CDKL4: variants seen among roughly 807,000 people sequenced by gnomAD.
CDKL4 encodes cyclin-dependent kinase-like 4.
A neutral mutation model predicts 42.0 loss-of-function variants in CDKL4; 44 were observed. That is an observed-to-expected ratio of 1.05 (90% confidence interval 0.82 to 1.35). The LOEUF (loss-of-function observed/expected upper bound fraction) is 1.35, where lower values mean the gene tolerates loss of function less well. Among genes scored for constraint, CDKL4 ranks in the 40% most tolerant of loss-of-function variants. The probability of loss-of-function intolerance (pLI) is 0.00; values close to 1 mark genes in which losing one functional copy is unlikely to be tolerated. For synonymous variants in CDKL4, 120 were observed against 121.6 expected (o/e 0.99, Z 0.09); for missense variants, 393 against 369.9 (o/e 1.06, Z -0.51).
intron 5 of CDKL4, among the ~76,000 whole-genome samples, chr2:39,192,381 G>A (rs886109636): frequency 6.6e-6 from 1 of 151,824 alleles, no homozygotes; most frequent in Admixed American, 6.6e-5. Flanking sequence ...CACTTTTTTG[G>A]AGGCAGGGTC....
intron 3 of CDKL4, among the ~76,000 whole-genome samples, chr2:39,218,502 A>C (rs1410844882): frequency 2.0e-5 from 3 of 152,148 alleles, no homozygotes; most frequent in Non-Finnish European, 4.4e-5. Context: ...CTCTCAAAAA[A>C]CAAAAAAAAC....
intron 5 of CDKL4, among the ~76,000 whole-genome samples, chr2:39,195,628 A>C (rs562800630): frequency 6.6e-6 from 1 of 150,508 alleles, no homozygotes; most frequent in South Asian, 2.1e-4. Flanking sequence ...TTTATTTTTT[A>C]CATTTTTAAT....
At chr2:39,235,909 C>G (rs1679344868) in intron 1 of CDKL4, among the ~76,000 whole-genome samples, 1 of 150,814 alleles carries the variant, frequency 6.6e-6, no homozygotes, top group South Asian at 2.1e-4. Flanking sequence ...ATGAGACATG[C>G]TAAAAAAAAG....
rs181110966 is a variant in CDKL4, at chr2:39,212,912, T to C, written c.363+488A>G. 6.7e-3 allele frequency among the ~76,000 whole-genome samples: 1,020 copies of C among 152,168 alleles called. 11 individuals are homozygous for C. Among genetic ancestry groups the C allele is most frequent in the African/African-American group, 0.023 (973 of 41,520 alleles). ...CTGAGCTCAAAGCCATCTGCCCGCA[T>C]TGGCTTCCCAAAGTGCTGGGATTAC... On this transcript the variant is annotated intron_variant, in intron 4 of 9. Transcript: ENST00000451199.
At chr2:39,184,556 A>G in intron 8 of CDKL4, 35 bp downstream of exon 8, 2 of 1,492,412 alleles carry the variant, frequency 1.3e-6, no homozygotes, top group Non-Finnish European at 1.9e-6. Context: ...ATTACAATTT[A>G]TAGCTAATAA....
intron 5 of CDKL4, among the ~76,000 whole-genome samples, chr2:39,203,181 G>A (rs1676959300): frequency 6.6e-6 from 1 of 151,996 alleles, no homozygotes; most frequent in Non-Finnish European, 1.5e-5. Context: ...TGCATATTCA[G>A]CTCAGAAATG....
chr2:39,191,652 A>G (rs1003543689), intron 5 of CDKL4, among the ~76,000 whole-genome samples: 4 of 152,210 alleles, frequency 2.6e-5, no homozygotes, highest in African/African-American at 9.7e-5. Context: ...AAAGACCTCA[A>G]TTTGACTCCT....
At chr2:39,221,242 C>G (rs1327341350) in intron 3 of CDKL4, among the ~76,000 whole-genome samples, 1 of 150,550 alleles carries the variant, frequency 6.6e-6, no homozygotes, top group Non-Finnish European at 1.5e-5. Context: ...CTCTTGATCT[C>G]GTGACCTTGT....
chr2:39,197,880 A>G (rs939365642), intron 5 of CDKL4, among the ~76,000 whole-genome samples: 2 of 150,016 alleles, frequency 1.3e-5, no homozygotes, highest in Non-Finnish European at 2.9e-5. Flanking sequence ...ACCAAAATAG[A>G]ATCTCCTTAA....
intron 9 of CDKL4, chr2:39,178,662 G>C (rs948074045): frequency 6.2e-7 from 1 of 1,603,156 alleles, no homozygotes; most frequent in African/African-American, 1.3e-5. Flanking sequence ...TGGCCCATTG[G>C]GTAGAATTTG....
At chr2:39,231,788 A>T (rs894661636) in intron 1 of CDKL4, among the ~76,000 whole-genome samples, 1 of 152,248 alleles carries the variant, frequency 6.6e-6, no homozygotes, top group African/African-American at 2.4e-5. Context: ...GCATTGGCTC[A>T]TGCCTGTAAT....
At chr2:39,220,634 C>T (rs1223295612) in intron 3 of CDKL4, among the ~76,000 whole-genome samples, 3 of 151,806 alleles carry the variant, frequency 2.0e-5, no homozygotes, top group African/African-American at 7.3e-5. Context: ...GTCGCCCAGG[C>T]TGGAGTGAAG....
chr2:39,236,656 A>G (rs1215983362), intron 1 of CDKL4, among the ~76,000 whole-genome samples: 1 of 152,186 alleles, frequency 6.6e-6, no homozygotes, highest in Non-Finnish European at 1.5e-5. Context: ...TGAAAAGATC[A>G]ACAAAAGTGA....
At chr2:39,191,882 C>G (rs1377669237) in intron 5 of CDKL4, among the ~76,000 whole-genome samples, 1 of 152,180 alleles carries the variant, frequency 6.6e-6, no homozygotes, top group Non-Finnish European at 1.5e-5. Flanking sequence ...TGGAAAGCAG[C>G]CCGACTTGCA....
At chr2:39,208,973 G>A (rs962781105) in intron 4 of CDKL4, among the ~76,000 whole-genome samples, 1 of 151,788 alleles carries the variant, frequency 6.6e-6, no homozygotes, top group Non-Finnish European at 1.5e-5. Context: ...AGATGCTGAC[G>A]GAGGTTGCAG....
chr2:39,244,104 A>T (rs965551182), upstream of CDKL4, among the ~76,000 whole-genome samples: 15 of 152,228 alleles, frequency 9.9e-5, no homozygotes, highest in African/African-American at 3.6e-4. Context: ...GAGAGGTGAC[A>T]GCGTGCTGGC....
At chr2:39,209,875 G>A (rs887777754) in intron 4 of CDKL4, among the ~76,000 whole-genome samples, 4 of 152,180 alleles carry the variant, frequency 2.6e-5, no homozygotes, top group Non-Finnish European at 4.4e-5. Context: ...ATATGGCTTA[G>A]ATTTTTTTCT....
chr2:39,173,297 T>C (rs1304044050), downstream of CDKL4, among the ~76,000 whole-genome samples: 3 of 152,222 alleles, frequency 2.0e-5, no homozygotes, highest in Non-Finnish European at 4.4e-5. Flanking sequence ...AAAAACATTA[T>C]GAAAGCTAAA....
intron 8 of CDKL4, 75 bp downstream of exon 8, chr2:39,184,516 C>A: frequency 2.0e-6 from 2 of 1,005,746 alleles, no homozygotes; most frequent in South Asian, 1.4e-5. Flanking sequence ...AATCCACTGT[C>A]CACCCCTCCT....
Sources: gnomAD v4.1 joint callset for allele counts (sites outside exome capture counted in the v4.1 genomes callset) on GRCh38, gnomAD v4.1.1 for gene constraint, MANE v1.5 for transcripts, NCBI Gene and HGNC (gene_info 2026-07-23, HGNC 2026-07-21) for gene names.